Variants in PPARGC1A observed in about 807,000 individuals in gnomAD.
PPARGC1A encodes the protein PPARG coactivator 1 alpha, also known as peroxisome proliferator-activated receptor gamma coactivator 1-alpha.
In PPARGC1A, 25 loss-of-function variants were observed where a neutral mutation model predicts 88.7. The observed-to-expected ratio is 0.28, with a 90% confidence interval of 0.21 to 0.39. The LOEUF is 0.39. Ranked by LOEUF, PPARGC1A falls within the 10% of genes least tolerant of loss-of-function variation. The pLI, the probability that PPARGC1A is intolerant of heterozygous loss-of-function variation, is 1.00. For synonymous variants in PPARGC1A, 363 were observed against 355.6 expected, an observed-to-expected ratio of 1.02 and a Z score of -0.24; for missense variants, 880 against 968.7, an observed-to-expected ratio of 0.91 and a Z score of 1.22.
At position 23,877,456 on chromosome 4, in the gene PPARGC1A, T is replaced by C. The variant is rs1244578763; in HGVS notation, c.234+7296A>G. Among the ~76,000 whole-genome samples, 3 of 135,540 alleles carry C rather than the reference T, an allele frequency of 2.2e-5. No individual in the cohort carries two copies. The East Asian group carries it at 6.4e-4, about 29-fold the overall frequency. 88.9% of individuals were successfully genotyped at this position (135,540 alleles called of 152,430 possible). ...GGGAGGCTGAGGCAGGAGAATGGCG[T>C]GAACCCAGGAGGGGGAGGTTGCAGT... On this transcript the variant is annotated intron_variant, in intron 2 of 12. Coordinates refer to ENST00000264867, the MANE Select transcript of PPARGC1A (RefSeq NM_013261.5).
chr4:23,816,454 C>T (rs1472095), intron 7 of PPARGC1A, among the ~76,000 whole-genome samples: 45,192 of 151,992 alleles, frequency 0.3, 7,246 homozygotes, highest in African/African-American at 0.37. Flanking sequence ...TTTTCACTTG[C>T]TTTATTTACG....
At chr4:24,401,568 A>G in the PPARGC1A span, among the ~76,000 whole-genome samples, 9 of 152,162 alleles carry the variant, frequency 5.9e-5, no homozygotes, top group Non-Finnish European at 1.0e-4. Flanking sequence ...AGCATGTACT[A>G]TGTGCCAAGT....
At chr4:24,084,791 A>G in the PPARGC1A span, among the ~76,000 whole-genome samples, 1,827 of 152,336 alleles carry the variant, frequency 0.012, 43 homozygotes, top group African/African-American at 0.041. Flanking sequence ...TTAAAAGGCA[A>G]TAACAAAAAA....
chr4:24,003,278 C>T, the PPARGC1A span, among the ~76,000 whole-genome samples: 1 of 152,196 alleles, frequency 6.6e-6, no homozygotes, highest in Non-Finnish European at 1.5e-5. Flanking sequence ...TTCTTACCCT[C>T]CAAGTGAACA....
chr4:24,316,013 A>G, the PPARGC1A span, among the ~76,000 whole-genome samples: 1 of 152,214 alleles, frequency 6.6e-6, no homozygotes, highest in South Asian at 2.1e-4. Context: ...CATATAAACA[A>G]GGCCAAGAGG....
At chr4:24,387,203 G>A in the PPARGC1A span, among the ~76,000 whole-genome samples, 150,778 of 152,328 alleles carry the variant, frequency 0.99, 74,633 homozygotes, top group East Asian at 1. Flanking sequence ...GAAAACTGAA[G>A]CTGGACCCTT....
At chr4:24,017,114 C>T in the PPARGC1A span, among the ~76,000 whole-genome samples, 2 of 152,174 alleles carry the variant, frequency 1.3e-5, no homozygotes, top group Non-Finnish European at 2.9e-5. Context: ...GCCCTTTCCA[C>T]ATCAGCCCTT....
At chr4:23,939,993 C>T in the PPARGC1A span, among the ~76,000 whole-genome samples, 2 of 152,160 alleles carry the variant, frequency 1.3e-5, no homozygotes, top group African/African-American at 4.8e-5. Flanking sequence ...TCTGCAATAA[C>T]TATGAATTTG....
chr4:23,883,967 C>T (rs983928389), intron 2 of PPARGC1A: 8 of 152,056 alleles, frequency 5.3e-5, no homozygotes, highest in Admixed American at 2.0e-4. Flanking sequence ...GAAAACTAGC[C>T]GATATGTCAT....
chr4:24,340,418 C>T, the PPARGC1A span, among the ~76,000 whole-genome samples: 1 of 152,270 alleles, frequency 6.6e-6, no homozygotes, highest in East Asian at 1.9e-4. Flanking sequence ...AGATTTTATA[C>T]ATCCTTTTTG....
At chr4:23,997,262 G>GA in the PPARGC1A span, among the ~76,000 whole-genome samples, 42 of 151,792 alleles carry the variant, frequency 2.8e-4, no homozygotes, top group African/African-American at 6.8e-4. Context: ...ACATGATTTG[G>GA]AAAAAAAGAA....
intron 2 of PPARGC1A, among the ~76,000 whole-genome samples, chr4:23,865,171 T>A (rs1339822074): frequency 6.6e-6 from 1 of 151,934 alleles, no homozygotes; most frequent in African/African-American, 2.4e-5. Context: ...GGCAACAGAG[T>A]GAGACTGCCT....
the PPARGC1A span, among the ~76,000 whole-genome samples, chr4:24,468,358 A>G: frequency 1.3e-5 from 2 of 152,212 alleles, no homozygotes; most frequent in African/African-American, 4.8e-5. Flanking sequence ...AATCAGAGAC[A>G]TTTCACATAT....
At chr4:23,969,385 T>C in the PPARGC1A span, among the ~76,000 whole-genome samples, 4 of 152,208 alleles carry the variant, frequency 2.6e-5, no homozygotes, top group East Asian at 1.9e-4. Context: ...AACATGTTAA[T>C]TGGCCTTCCC....
At chr4:23,979,882 C>T in the PPARGC1A span, among the ~76,000 whole-genome samples, 1 of 152,134 alleles carries the variant, frequency 6.6e-6, no homozygotes, top group Admixed American at 6.5e-5. Flanking sequence ...CTCCTCTGCT[C>T]AACGCACCTG....
At chr4:24,380,153 C>G in the PPARGC1A span, among the ~76,000 whole-genome samples, 2 of 151,762 alleles carry the variant, frequency 1.3e-5, no homozygotes, top group Non-Finnish European at 2.9e-5. Context: ...TAAAGGGAAA[C>G]AAAATCATAA....
chr4:23,882,557 T>A (rs1716154861), intron 2 of PPARGC1A: 1 of 152,128 alleles, frequency 6.6e-6, no homozygotes, highest in Admixed American at 6.6e-5. Flanking sequence ...CAACCAAACA[T>A]GCCTCCAGAT....
At chr4:24,465,426 T>A in the PPARGC1A span, among the ~76,000 whole-genome samples, 1 of 152,218 alleles carries the variant, frequency 6.6e-6, no homozygotes, top group Non-Finnish European at 1.5e-5. Flanking sequence ...CACTGCCTTC[T>A]AGAGTAAATC....
At chr4:23,796,592 T>C (rs1186625509) in intron 12 of PPARGC1A, among the ~76,000 whole-genome samples, 2 of 152,186 alleles carry the variant, frequency 1.3e-5, no homozygotes, top group Non-Finnish European at 2.9e-5. Flanking sequence ...AAGTAAGCTT[T>C]TGAGCAGTTT....
Sources: allele counts gnomAD v4.1 joint callset (sites outside exome capture counted in the v4.1 genomes callset), GRCh38; gene constraint gnomAD v4.1.1; transcripts MANE v1.5; gene names NCBI Gene and HGNC (gene_info 2026-07-23, HGNC 2026-07-21).